The following TNS3 variants were observed in gnomAD, a reference collection of about 807,000 sequenced individuals.
TNS3 encodes the protein tensin 3, also known as tensin-3.
TNS3 carries 45 observed loss-of-function variants against 140.9 expected under a neutral mutation model. That is an observed-to-expected ratio of 0.32 (90% CI 0.25 to 0.41). TNS3 has a LOEUF of 0.41. Among genes scored for constraint, TNS3 ranks in the 10% least tolerant of loss-of-function variants. The pLI is 1.00. For missense variants in TNS3, 1,716 were observed against 1,906.7 expected (o/e 0.90, Z 1.86); for synonymous variants, 815 against 788.4 (o/e 1.03, Z -0.56).
In TNS3 at chr7:47,520,242, A is replaced by G. The variant is rs528595691; in HGVS notation, c.-153+8794T>C. Reference sequence around the variant, plus strand: ...CTGGCTTCGAGGATGTGGAATCAGAAGTTGCCACTTGGCCTTGCCCCCCTG... The same window carrying G: ...CTGGCTTCGAGGATGTGGAATCAGAGGTTGCCACTTGGCCTTGCCCCCCTG... On this transcript the variant is annotated intron_variant, in intron 2 of 30. Transcript: ENST00000311160. Among the ~76,000 whole-genome samples, 19 of 152,298 alleles carry G rather than the reference A, an allele frequency of 1.2e-4. No individual in the cohort carries two copies. In the East Asian group the frequency reaches 2.9e-3, roughly 23 times the overall value.
chr7:47,506,796 A>G lies in TNS3; in HGVS notation c.-115+111T>C, dbSNP rs942689895. 11 of 812,196 alleles carry G rather than the reference A, an allele frequency of 1.4e-5. No individual in the cohort carries two copies. In the African/African-American group the frequency reaches 1.8e-4, roughly 13 times the overall value. 50.3% of individuals were successfully genotyped at this position (812,196 alleles called of 1,614,324 possible). On this transcript the variant is annotated intron_variant, in intron 3 of 30. Transcript: ENST00000311160. ...ACCGTACCCCAGCCCTGGCTTTCCT[A>G]AAGAGTTTTCTTTCCGTGGCTGCAG...
At chr7:47,429,825 C>T (rs1483153765) in intron 8 of TNS3, among the ~76,000 whole-genome samples, 1 of 152,198 alleles carries the variant, frequency 6.6e-6, no homozygotes, top group Non-Finnish European at 1.5e-5. Context: ...CCCAGTCATA[C>T]ATGAAAGTCA....
rs1186628989 is a variant in TNS3, at chr7:47,297,087, T to C, written c.3671A>G (p.Lys1224Arg). The change falls in exon 24 of 31, where the codon AAG becomes AGG. Residue 1224 changes from lysine (K) to arginine (R), a missense_variant. Around this residue, in one of 3 missense-constraint regions of TNS3, gnomAD observed 216 missense variants for 295.7 expected, o/e 0.73. Coordinates refer to ENST00000311160, the MANE Select transcript of TNS3 (RefSeq NM_022748.12). ...ATAGGGAGCAGTAACCTTACCTTTC[T>C]TGTTCAGCTGCAGGACTGAAGGTGG... Reference protein sequence around the residue: ...TPPPSVLQLNKKAGDLANELV... With the variant: ...TPPPSVLQLNRKAGDLANELV... 1.2e-6 allele frequency: 2 copies of C among 1,614,162 alleles called. No individual in the cohort carries two copies. The highest frequency in any genetic ancestry group is 1.7e-5 in the Admixed American group (1 of 60,028).
At chr7:47,422,978 A>G (rs148514907) in intron 10 of TNS3, among the ~76,000 whole-genome samples, 151 of 152,250 alleles carry the variant, frequency 9.9e-4, no homozygotes, top group African/African-American at 3.4e-3. Context: ...GTTGCTGACC[A>G]CAGTCCTACA....
At chr7:47,390,683 A>C (rs1357432379) in intron 16 of TNS3, among the ~76,000 whole-genome samples, 2 of 152,220 alleles carry the variant, frequency 1.3e-5, no homozygotes, top group Non-Finnish European at 2.9e-5. Flanking sequence ...AACCAAGGAC[A>C]AGAGTGACAG....
intron 28 of TNS3, among the ~76,000 whole-genome samples, chr7:47,281,998 A>G (rs1785170143): frequency 1.3e-5 from 2 of 148,996 alleles, no homozygotes; most frequent in African/African-American, 5.0e-5. Flanking sequence ...GAGTCCACCA[A>G]GCAGCCTGGC....
chr7:47,344,677 T>C, intron 20 of TNS3, 78 bp downstream of exon 20: 1 of 1,284,256 alleles, frequency 7.8e-7, no homozygotes. Flanking sequence ...GCATACGAGT[T>C]CTTCTCTGTA....
intron 1 of TNS3, among the ~76,000 whole-genome samples, chr7:47,571,341 G>A (rs1403214376): frequency 6.6e-6 from 1 of 152,228 alleles, no homozygotes; most frequent in African/African-American, 2.4e-5. Context: ...ACAAGTGGCA[G>A]GGACGAGAAG....
At chr7:47,500,336 G>A (rs1004713686) in intron 3 of TNS3, among the ~76,000 whole-genome samples, 1 of 152,204 alleles carries the variant, frequency 6.6e-6, no homozygotes, top group African/African-American at 2.4e-5. Flanking sequence ...GAGAAGGGAT[G>A]CCCGTGTAAA....
At chr7:47,378,279 T>C (rs1252421468) in intron 16 of TNS3, among the ~76,000 whole-genome samples, 5 of 152,184 alleles carry the variant, frequency 3.3e-5, no homozygotes, top group South Asian at 4.1e-4. Context: ...GAGTGCTCCA[T>C]GAACATCTAA....
At chr7:47,563,065 C>T (rs934299451) in intron 1 of TNS3, among the ~76,000 whole-genome samples, 7 of 152,158 alleles carry the variant, frequency 4.6e-5, no homozygotes, top group African/African-American at 9.7e-5. Context: ...TCCCTAACAG[C>T]GAAGCTAGGC....
intron 1 of TNS3, among the ~76,000 whole-genome samples, chr7:47,559,816 G>A (rs1237427661): frequency 1.3e-5 from 2 of 152,198 alleles, no homozygotes; most frequent in Non-Finnish European, 2.9e-5. Context: ...ACCAGGACAC[G>A]CAGAGAGAGC....
intron 2 of TNS3, among the ~76,000 whole-genome samples, chr7:47,518,496 C>G (rs1293915938): frequency 6.6e-6 from 1 of 152,180 alleles, no homozygotes; most frequent in Admixed American, 6.5e-5. Flanking sequence ...TTTACTCTTT[C>G]TCTCTTTCTT....
intron 1 of TNS3, among the ~76,000 whole-genome samples, chr7:47,540,646 G>A (rs1799759131): frequency 6.6e-6 from 1 of 152,212 alleles, no homozygotes; most frequent in East Asian, 1.9e-4. Context: ...TTAGGAGGGG[G>A]CACGGAGTCC....
chr7:47,399,758 T>C (rs1412997586), intron 15 of TNS3, among the ~76,000 whole-genome samples: 1 of 152,206 alleles, frequency 6.6e-6, no homozygotes, highest in Non-Finnish European at 1.5e-5. Flanking sequence ...TTCTGGACAT[T>C]TGCCTAGGCA....
chr7:47,389,083 A>G lies in TNS3; in HGVS notation c.1024+7717T>C, dbSNP rs1417194634. Among the ~76,000 whole-genome samples, 19 of 71,630 alleles carry G rather than the reference A, an allele frequency of 2.7e-4. 1 individual carries two copies. Among genetic ancestry groups the G allele is most frequent in the African/African-American group, 1.4e-3 (18 of 12,990 alleles). 47.0% of individuals were successfully genotyped at this position (71,630 alleles called of 152,430 possible). ...AAGAAGAAGAAGAAGAAGAAGAAGAAGAGGAAGAGGAAGAGGAAGCGGAAG... is the reference window on the plus strand; with the variant it reads ...AAGAAGAAGAAGAAGAAGAAGAAGAGGAGGAAGAGGAAGAGGAAGCGGAAG... On this transcript the variant is annotated intron_variant, in intron 16 of 30. Transcript: ENST00000311160.
chr7:47,543,212 C>G (rs1010290909), intron 1 of TNS3, among the ~76,000 whole-genome samples: 16 of 152,210 alleles, frequency 1.1e-4, no homozygotes, highest in African/African-American at 3.1e-4. Flanking sequence ...CATCCGAAAT[C>G]CAGAAGGGAC....
At chr7:47,377,436 G>A (rs1431297231) in intron 16 of TNS3, among the ~76,000 whole-genome samples, 1 of 152,212 alleles carries the variant, frequency 6.6e-6, no homozygotes, top group Non-Finnish European at 1.5e-5. Flanking sequence ...TGTGGTCGGG[G>A]CCAGGAGAAG....
chr7:47,350,954 A>G (rs1330942223), intron 17 of TNS3, among the ~76,000 whole-genome samples: 1 of 152,202 alleles, frequency 6.6e-6, no homozygotes, highest in East Asian at 1.9e-4. Context: ...TATTTTAAAA[A>G]CTAAGAAAAT....
Sources: allele counts gnomAD v4.1 joint callset (sites outside exome capture counted in the v4.1 genomes callset), GRCh38; gene constraint gnomAD v4.1.1; regional missense constraint gnomAD v4.1.1; transcripts MANE v1.5; gene names NCBI Gene and HGNC (gene_info 2026-07-23, HGNC 2026-07-21).